The following SMC1A variants were observed in gnomAD, a reference collection of about 807,000 sequenced individuals.
SMC1A encodes structural maintenance of chromosomes protein 1A.
SMC1A carries 4 observed loss-of-function variants against 94.5 expected under a neutral mutation model. The ratio of observed to expected loss-of-function variants is 0.04; its 90% CI spans 0.02 to 0.10. The LOEUF is 0.10. Among genes scored for constraint, SMC1A ranks in the 10% least tolerant of loss-of-function variants. The pLI is 1.00. For synonymous variants in SMC1A, 345 were observed against 347.7 expected, an observed-to-expected ratio of 0.99 and a Z score of 0.09; for missense variants, 304 against 989.0, an observed-to-expected ratio of 0.31 and a Z score of 9.29.
intron 16 of SMC1A, among the ~76,000 whole-genome samples, chrX:53,397,064 G>GT (rs1280908709): frequency 9.4e-6 from 1 of 106,657 alleles, no homozygotes; most frequent in African/African-American, 3.4e-5. Flanking sequence ...TGTTGTTGTT[G>GT]TTTTTTTTTT....
intron 15 of SMC1A, 144 bp from the exon 16 acceptor site, chrX:53,399,874 T>C: frequency 1.7e-6 from 1 of 576,528 alleles, no homozygotes; most frequent in Non-Finnish European, 2.8e-6. Context: ...ACAACTTGCT[T>C]CATCCATCCA....
At chrX:53,408,779 C>T (rs2075700092) in intron 9 of SMC1A, among the ~76,000 whole-genome samples, 1 of 100,752 alleles carries the variant, frequency 9.9e-6, no homozygotes, top group African/African-American at 3.7e-5. Context: ...ACAAAACCTT[C>T]AGAAAGACGC....
chrX:53,400,282 A>G (rs2075666328), intron 15 of SMC1A, among the ~76,000 whole-genome samples: 1 of 111,533 alleles, frequency 9.0e-6, no homozygotes, highest in African/African-American at 3.3e-5. Context: ...TCTTTCTAGT[A>G]TACCACCACT....
intron 1 of SMC1A, among the ~76,000 whole-genome samples, chrX:53,416,343 A>AATG (rs2075732398): frequency 9.3e-6 from 1 of 107,084 alleles, no homozygotes; most frequent in Non-Finnish European, 1.9e-5. Flanking sequence ...TAATAATAAT[A>AATG]ATAATGTAAA....
At chrX:53,421,006 C>G (rs2075752754) in intron 1 of SMC1A, among the ~76,000 whole-genome samples, 1 of 111,357 alleles carries the variant, frequency 9.0e-6, no homozygotes, top group Non-Finnish European at 1.9e-5. Flanking sequence ...AGAGGTGGGC[C>G]TTGAAGAACG....
intron 19 of SMC1A, among the ~76,000 whole-genome samples, chrX:53,394,381 G>T (rs1556887675): frequency 9.1e-6 from 1 of 109,935 alleles, no homozygotes; most frequent in Admixed American, 9.8e-5. Flanking sequence ...AGCCACGGAA[G>T]TAAAGTGATA....
chrX:53,421,096 C>G (rs781876040), intron 1 of SMC1A, among the ~76,000 whole-genome samples: 3 of 110,861 alleles, frequency 2.7e-5, no homozygotes, highest in African/African-American at 6.6e-5. Flanking sequence ...GACTGAATGC[C>G]AAGAGGTACA....
chrX:53,379,922 G>A lies in SMC1A; in HGVS notation c.*181C>T. 2.1e-6 allele frequency: 1 copy of A among 465,472 alleles called. No homozygotes were observed. Among genetic ancestry groups the A allele is most frequent in the South Asian group, 3.1e-5 (1 of 32,273 alleles). The allele number at this position is 465,472 out of a possible 1,213,427, so 38.4% of individuals were successfully genotyped here. A position where few individuals can be genotyped will look rare whatever the true frequency, so the allele number is the denominator to read the frequency against. On this transcript the variant is annotated 3_prime_UTR_variant, in exon 25 of 25. Coordinates refer to ENST00000322213, the MANE Select transcript of SMC1A (RefSeq NM_006306.4). ...GGCCAGAATACTCCCTGTCGTTCAG[G>A]AATTTTTGCTCCAGACCTAACATCA... is the stretch of plus-strand genomic sequence containing the variant.
At chrX:53,400,837 C>T (rs1188957987) in intron 15 of SMC1A, among the ~76,000 whole-genome samples, 1 of 111,616 alleles carries the variant, frequency 9.0e-6, no homozygotes, top group African/African-American at 3.3e-5. Flanking sequence ...CTATTAGCCA[C>T]TATAATCCAA....
At chrX:53,382,465 G>A (rs888046127) in intron 21 of SMC1A, 41 bp downstream of exon 21, 14 of 1,200,602 alleles carry the variant, frequency 1.2e-5, no homozygotes, top group Admixed American at 6.7e-5. Flanking sequence ...AAGGACAACT[G>A]AGGATGGTAG....
chrX:53,416,604 A>C (rs1404962717), intron 1 of SMC1A, among the ~76,000 whole-genome samples: 5 of 109,786 alleles, frequency 4.6e-5, no homozygotes, highest in Non-Finnish European at 9.5e-5. Flanking sequence ...GTTGGCCAGG[A>C]TGGTCTCGAT....
intron 22 of SMC1A, 32 bp from the exon 23 acceptor site, chrX:53,381,119 GAGGCGGGGAGGGGGTGGCA>G: frequency 3.2e-6 from 3 of 941,390 alleles, no homozygotes; most frequent in Non-Finnish European, 4.6e-6. Flanking sequence ...AGCTGACACT[GAGGCGGGGAGGGGGTGGCA>G]AGGCGGGGTG....
intron 7 of SMC1A, among the ~76,000 whole-genome samples, chrX:53,409,971 T>C (rs1173305325): frequency 8.9e-6 from 1 of 112,220 alleles, no homozygotes. Context: ...CTCAGGCTGA[T>C]CTCAAACTCC....
intron 19 of SMC1A, among the ~76,000 whole-genome samples, chrX:53,386,101 A>G (rs1022479114): frequency 8.9e-6 from 1 of 111,857 alleles, no homozygotes; most frequent in Admixed American, 9.5e-5. Context: ...CTTGCCAAAA[A>G]ATACTTAACA....
At chrX:53,400,100 A>G (rs1245120555) in intron 15 of SMC1A, among the ~76,000 whole-genome samples, 1 of 112,121 alleles carries the variant, frequency 8.9e-6, no homozygotes, top group Non-Finnish European at 1.9e-5. Flanking sequence ...TATGTACTTT[A>G]CATACATTAT....
chrX:53,398,883 T>C (rs1556888423), intron 16 of SMC1A, among the ~76,000 whole-genome samples: 1 of 111,610 alleles, frequency 9.0e-6, no homozygotes, highest in Non-Finnish European at 1.9e-5. Flanking sequence ...CAGGTACTAC[T>C]GAGTTACAGA....
chrX:53,419,879 T>C (rs925593716), intron 1 of SMC1A, among the ~76,000 whole-genome samples: 1 of 109,105 alleles, frequency 9.2e-6, no homozygotes, highest in African/African-American at 3.3e-5. Context: ...CAGGCAGAAG[T>C]TGCAGTGAGC....
Position 53,401,668 on chromosome X carries a change from C to T in SMC1A, c.2420+1898G>A, listed in dbSNP as rs181054574. 1.1e-4 allele frequency among the ~76,000 whole-genome samples: 12 copies of T among 110,602 alleles called. No homozygotes were observed. In the East Asian group the frequency reaches 3.1e-3, roughly 29 times the overall value. ...ACACTGAATGTGTATCTCTTTGGGA[C>T]CCTATGGCAAGACTCTCTCAGGGAT... On this transcript the variant is annotated intron_variant, in intron 15 of 24. Coordinates refer to ENST00000322213, the MANE Select transcript of SMC1A (RefSeq NM_006306.4).
At chrX:53,422,064 G>C (rs1423224231) in intron 1 of SMC1A, 1 of 1,196,999 alleles carries the variant, frequency 8.4e-7, no homozygotes. Context: ...GCACCGTTTG[G>C]GACCGAAGGC....
Sources: gnomAD v4.1 joint callset for allele counts (sites outside exome capture counted in the v4.1 genomes callset) on GRCh38, gnomAD v4.1.1 for gene constraint, MANE v1.5 for transcripts, NCBI Gene and HGNC (gene_info 2026-07-23, HGNC 2026-07-21) for gene names.